PRDM16: variants seen among roughly 807,000 people sequenced by gnomAD.
PRDM16 encodes histone-lysine N-methyltransferase PRDM16.
PRDM16 carries 23 observed loss-of-function variants against 110.6 expected under a neutral mutation model. The ratio of observed to expected loss-of-function variants is 0.21; its 90% CI spans 0.15 to 0.29. The LOEUF is 0.29. Among genes scored for constraint, PRDM16 ranks in the 10% least tolerant of loss-of-function variants. PRDM16 has a pLI of 1.00. For synonymous variants in PRDM16, 799 were observed against 781.8 expected (o/e 1.02, Z -0.37); for missense variants, 1,615 against 1,794.3 (o/e 0.90, Z 1.81).
chr1:3,411,816 A>G lies in PRDM16; in HGVS notation c.1619A>G (p.Asn540Ser). The G allele has an allele frequency of 3.1e-6, 5 of 1,611,248 alleles. No homozygotes were observed. The highest frequency in any genetic ancestry group is 4.2e-6 in the Non-Finnish European group (5 of 1,179,004). ...PPTSLLKSPL[N>S]HTQDAKLPSP... Reference sequence around the variant, plus strand: ...ACATCGCTGCTCAAGAGCCCCCTGAACCACACCCAGGACGCCAAGCTCCCC... The same window carrying G: ...ACATCGCTGCTCAAGAGCCCCCTGAGCCACACCCAGGACGCCAAGCTCCCC... Residue 540 changes from asparagine to serine, a missense_variant, in exon 9 of 17, where the codon AAC (asparagine) becomes AGC (serine). Asn to Ser is a conservative substitution (Grantham distance 46). Coordinates refer to ENST00000270722, the MANE Select transcript of PRDM16 (RefSeq NM_022114.4).
chr1:3,345,355 G>A (rs1487194633), intron 3 of PRDM16, among the ~76,000 whole-genome samples: 1 of 152,172 alleles, frequency 6.6e-6, no homozygotes, highest in African/African-American at 2.4e-5. Context: ...TACCACTGTG[G>A]GAACCGGAGG....
At chr1:3,107,502 C>G (rs1037746251) in intron 1 of PRDM16, among the ~76,000 whole-genome samples, 39 of 152,314 alleles carry the variant, frequency 2.6e-4, no homozygotes, top group Non-Finnish European at 4.7e-4. Context: ...AAGTATATAT[C>G]ATTTAATGCC....
At chr1:3,291,996 C>T (rs1369689127) in intron 3 of PRDM16, among the ~76,000 whole-genome samples, 1 of 152,228 alleles carries the variant, frequency 6.6e-6, no homozygotes, top group East Asian at 1.9e-4. Context: ...CTGGCACCCT[C>T]AAGATGCCTT....
intron 2 of PRDM16, among the ~76,000 whole-genome samples, chr1:3,192,240 G>A (rs763918802): frequency 1.2e-4 from 18 of 152,180 alleles, no homozygotes; most frequent in African/African-American, 3.1e-4. Context: ...CATCCGTGTC[G>A]CCAGCTCATC....
At chr1:3,135,285 G>A (rs1465592490) in intron 1 of PRDM16, among the ~76,000 whole-genome samples, 2 of 152,192 alleles carry the variant, frequency 1.3e-5, no homozygotes, top group East Asian at 3.9e-4. Context: ...GGGGGCCTCA[G>A]GGAGGTCTGC....
intron 4 of PRDM16, among the ~76,000 whole-genome samples, chr1:3,395,692 T>G (rs17822575): frequency 0.15 from 23,406 of 152,212 alleles, 2,184 homozygotes; most frequent in Middle Eastern, 0.27. Flanking sequence ...CTTTGTGAAC[T>G]GCTAATTTTC....
At chr1:3,236,992 TG>T (rs1410399341) in intron 2 of PRDM16, among the ~76,000 whole-genome samples, 1 of 152,078 alleles carries the variant, frequency 6.6e-6, no homozygotes, top group Non-Finnish European at 1.5e-5. Context: ...GGGAGGAAGC[TG>T]GGGGGCACAG....
intron 2 of PRDM16, among the ~76,000 whole-genome samples, chr1:3,203,280 T>C (rs1274560542): frequency 1.3e-5 from 2 of 152,176 alleles, no homozygotes; most frequent in Non-Finnish European, 2.9e-5. Context: ...ATTTAGTGAA[T>C]GATGAGGCAC....
chr1:3,178,369 C>T (rs959345966), intron 1 of PRDM16, among the ~76,000 whole-genome samples: 6 of 152,158 alleles, frequency 3.9e-5, no homozygotes, highest in African/African-American at 7.2e-5. Context: ...CCCTCACCTC[C>T]GCACAGCCCC....
chr1:3,341,520 CACAG>C (rs1484997121), intron 3 of PRDM16, among the ~76,000 whole-genome samples: 1 of 152,202 alleles, frequency 6.6e-6, no homozygotes, highest in Non-Finnish European at 1.5e-5. Flanking sequence ...CGCCGTGAAG[CACAG>C]ACAAAGAGGA....
chr1:3,405,877 C>T (rs897879548), intron 8 of PRDM16, among the ~76,000 whole-genome samples: 4 of 152,358 alleles, frequency 2.6e-5, no homozygotes, highest in Admixed American at 6.5e-5. Context: ...TCCTCCTCCA[C>T]GGCTCCCCTT....
At chr1:3,236,077 T>G (rs2100897122) in intron 2 of PRDM16, among the ~76,000 whole-genome samples, 1 of 152,096 alleles carries the variant, frequency 6.6e-6, no homozygotes, top group Middle Eastern at 3.4e-3. Flanking sequence ...AGAGCAGGCA[T>G]CCCTGCAGGC....
chr1:3,172,603 C>CG (rs376684861), intron 1 of PRDM16, among the ~76,000 whole-genome samples: 7,886 of 152,316 alleles, frequency 0.052, 226 homozygotes, highest in Admixed American at 0.072. Flanking sequence ...CATGCCTGGA[C>CG]TATTAGCCCT....
chr1:3,270,611 C>G (rs1180204852), intron 3 of PRDM16, among the ~76,000 whole-genome samples: 1 of 143,958 alleles, frequency 6.9e-6, no homozygotes, highest in Non-Finnish European at 1.5e-5. Context: ...GGGAGGAGGA[C>G]AGTCCTGGAT....
intron 1 of PRDM16, among the ~76,000 whole-genome samples, chr1:3,129,073 T>G (rs555120144): frequency 6.6e-6 from 1 of 152,168 alleles, no homozygotes; most frequent in South Asian, 2.1e-4. Context: ...GGGTTGCGTG[T>G]GCATGTGTGT....
intron 14 of PRDM16, among the ~76,000 whole-genome samples, chr1:3,429,141 T>C (rs1537407): frequency 0.26 from 38,836 of 152,108 alleles, 5,615 homozygotes; most frequent in African/African-American, 0.4. Context: ...CCCAGAGTCT[T>C]GGAAGGAACC....
intron 2 of PRDM16, among the ~76,000 whole-genome samples, chr1:3,231,525 T>A (rs1483510695): frequency 6.7e-6 from 1 of 150,116 alleles, no homozygotes; most frequent in Non-Finnish European, 1.5e-5. Context: ...TCGAGAGGTG[T>A]TTCTGGGACT....
At chr1:3,138,836 C>T (rs546128584) in intron 1 of PRDM16, among the ~76,000 whole-genome samples, 2 of 152,162 alleles carry the variant, frequency 1.3e-5, no homozygotes, top group African/African-American at 2.4e-5. Context: ...GGCACACAGC[C>T]GGCTTTCCCT....
intron 5 of PRDM16, among the ~76,000 whole-genome samples, chr1:3,399,801 C>G (rs890354550): frequency 6.6e-6 from 1 of 152,220 alleles, no homozygotes; most frequent in Non-Finnish European, 1.5e-5. Context: ...ATTTCAACTA[C>G]TATGATTGTT....
Sources: allele counts gnomAD v4.1 joint callset (sites outside exome capture counted in the v4.1 genomes callset), GRCh38; gene constraint gnomAD v4.1.1; transcripts MANE v1.5; gene names NCBI Gene and HGNC (gene_info 2026-07-23, HGNC 2026-07-21).